The following SCP2 variants were observed in gnomAD, a reference collection of about 807,000 sequenced individuals.
SCP2 encodes SCP-2/3-oxoacyl-CoA thiolase.
Under a neutral mutation model 71.4 loss-of-function variants are expected in SCP2, and 48 were observed. The observed-to-expected ratio is 0.67, with a 90% CI of 0.53 to 0.86. The LOEUF (loss-of-function observed/expected upper bound fraction) is 0.86. SCP2 is among the 40% of genes least tolerant of loss of function. SCP2 has a pLI of 0.00. For missense variants in SCP2, 560 were observed against 655.6 expected, an observed-to-expected ratio of 0.85 and a Z score of 1.59; for synonymous variants, 220 against 218.1, an observed-to-expected ratio of 1.01 and a Z score of -0.08.
chr1:52,959,343 G>A, intron 5 of SCP2, among the ~76,000 whole-genome samples: 1 of 151,634 alleles, frequency 6.6e-6, no homozygotes, highest in East Asian at 1.9e-4. Context: ...TTACGGGCAT[G>A]CGCCACCACG....
intron 13 of SCP2, among the ~76,000 whole-genome samples, chr1:53,034,124 CT>C (rs545103639): frequency 2.0e-5 from 3 of 151,636 alleles, no homozygotes; most frequent in Admixed American, 6.6e-5. Flanking sequence ...ATTTTTAGTA[CT>C]TTTTTTTGGC....
chr1:52,995,071 G>T, intron 11 of SCP2: 1 of 499,438 alleles, frequency 2.0e-6, no homozygotes, highest in Non-Finnish European at 4.0e-6. Context: ...GGTTGATTCA[G>T]TTGTAGATGT....
chr1:52,927,509 C>G (rs1374812392), intron 1 of SCP2, 44 bp downstream of exon 1: 1 of 1,445,930 alleles, frequency 6.9e-7, no homozygotes, highest in Non-Finnish European at 9.5e-7. Flanking sequence ...GGCTCGGGGG[C>G]GGTCGGTGCC....
At chr1:53,005,999 C>G (rs569645756) in intron 11 of SCP2, among the ~76,000 whole-genome samples, 11 of 151,864 alleles carry the variant, frequency 7.2e-5, no homozygotes, top group African/African-American at 2.7e-4. Flanking sequence ...CTTCAGTAGC[C>G]GATTTGATCA....
intron 11 of SCP2, among the ~76,000 whole-genome samples, chr1:53,002,503 C>T (rs1660381421): frequency 6.6e-6 from 1 of 152,146 alleles, no homozygotes. Flanking sequence ...CTCCTGAGAG[C>T]ATGCATTTAC....
chr1:52,961,066 CTTTTTTTTTTTTTT>C lies in SCP2; in HGVS notation c.397-427_397-414del, dbSNP rs774047289. On this transcript the variant is annotated intron_variant, in intron 5 of 15. Transcript: ENST00000371514. The stretch of plus-strand genomic sequence containing the variant: ...CACGCCCAGCCTATTTCCTTTGGTT[CTTTTTTTTTTTTTT>C]TTTTTTTTTAATTATACTTTAAGTT... Among the ~76,000 whole-genome samples the C allele has an allele frequency of 1.6e-4, 15 of 92,198 alleles. No individual in the cohort carries two copies. In the East Asian group the frequency reaches 4.3e-3, roughly 26 times the overall value. The allele number at this position is 92,198 out of a possible 152,430, so 60.5% of individuals were successfully genotyped here.
intron 15 of SCP2, 98 bp from the exon 16 acceptor site, chr1:53,050,511 C>G (rs1354334106): frequency 3.8e-6 from 3 of 786,918 alleles, no homozygotes; most frequent in East Asian, 2.5e-5. Context: ...GTCATGTGAC[C>G]TGGATAAATA....
intron 11 of SCP2, among the ~76,000 whole-genome samples, chr1:53,001,740 C>T (rs1411902814): frequency 6.6e-6 from 1 of 152,174 alleles, no homozygotes; most frequent in Non-Finnish European, 1.5e-5. Flanking sequence ...CAAATGCTAT[C>T]CACCTTATGA....
At position 52,974,648 on chromosome 1, in the gene SCP2, A is replaced by C; in HGVS notation, c.524-121A>C. On this transcript the variant is annotated intron_variant, in intron 6 of 15. Coordinates refer to ENST00000371514, the MANE Select transcript of SCP2 (RefSeq NM_002979.5). ...AACAGTGCTGAAGTCTTTAATACTG[A>C]TGATATATATGAAAGGGAAAATATG... 1.1e-5 allele frequency: 8 copies of C among 737,126 alleles called. No individual in the cohort carries two copies. In the South Asian group the frequency reaches 1.1e-4, roughly 11 times the overall value. 45.7% of individuals were successfully genotyped at this position (737,126 alleles called of 1,614,324 possible).
chr1:52,972,986 T>A (rs2150160229), intron 6 of SCP2, among the ~76,000 whole-genome samples: 1 of 152,354 alleles, frequency 6.6e-6, no homozygotes, highest in South Asian at 2.1e-4. Flanking sequence ...GAGTGTTTAA[T>A]TTATATTCTG....
chr1:52,931,786 C>T (rs1425864450), intron 1 of SCP2, among the ~76,000 whole-genome samples: 5 of 152,088 alleles, frequency 3.3e-5, no homozygotes, highest in Non-Finnish European at 4.4e-5. Context: ...AACAAGACAA[C>T]GTCAACCCCC....
Position 52,978,239 on chromosome 1 carries a change from G to T in SCP2, c.697G>T (p.Ala233Ser). 1 of 1,613,958 alleles carries T rather than the reference G, an allele frequency of 6.2e-7. No homozygotes were observed. Among genetic ancestry groups the T allele is most frequent in the South Asian group, 1.1e-5 (1 of 91,074 alleles). ...TAGTCCCACTTCAGATGGTGCTGCA[G>T]CAGCAATTTTGGCCAGTGAAGCATT... ...QCCPTSDGAA[A>S]AILASEAFVQ... The change falls in exon 9 of 16, where the codon GCA becomes TCA. Residue 233 changes from alanine to serine, a missense_variant. By Grantham distance (99) the Ala-to-Ser change is moderately conservative. Around this residue, in one of 3 missense-constraint regions of SCP2, gnomAD observed 513 missense variants for 573.1 expected, o/e 0.90. Transcript: ENST00000371514.
chr1:53,006,699 T>C (rs1362494817), intron 11 of SCP2, among the ~76,000 whole-genome samples: 1 of 151,064 alleles, frequency 6.6e-6, no homozygotes, highest in Non-Finnish European at 1.5e-5. Flanking sequence ...AGATCATTGA[T>C]GCTAGGAAGA....
At chr1:53,036,148 A>G (rs1384739121) in intron 13 of SCP2, among the ~76,000 whole-genome samples, 1 of 137,952 alleles carries the variant, frequency 7.2e-6, no homozygotes, top group Non-Finnish European at 1.5e-5. Flanking sequence ...ATATGTGACC[A>G]TTTAAAATTA....
At chr1:52,938,539 C>T (rs7548389) in intron 1 of SCP2, among the ~76,000 whole-genome samples, 86,054 of 152,040 alleles carry the variant, frequency 0.57, 25,240 homozygotes, top group Non-Finnish European at 0.61. Context: ...CACTGCCTCC[C>T]GCCATGCTCC....
intron 6 of SCP2, among the ~76,000 whole-genome samples, chr1:52,964,719 T>C (rs1330591970): frequency 2.6e-5 from 4 of 152,120 alleles, no homozygotes; most frequent in African/African-American, 9.7e-5. Flanking sequence ...CTATGTAATT[T>C]TTAAAAAATG....
intron 14 of SCP2, among the ~76,000 whole-genome samples, chr1:53,044,054 T>C (rs1663617286): frequency 6.6e-6 from 1 of 152,136 alleles, no homozygotes; most frequent in South Asian, 2.1e-4. Flanking sequence ...TTTAACAGTT[T>C]ATTCCATCTC....
chr1:53,031,037 GT>G (rs1232136699), intron 13 of SCP2, among the ~76,000 whole-genome samples: 2 of 151,240 alleles, frequency 1.3e-5, no homozygotes, highest in South Asian at 2.1e-4. Context: ...CGGCTTAAAA[GT>G]TTTGGTTTTT....
Position 53,004,706 on chromosome 1 carries a change from G to A in SCP2, c.1082-10184G>A, listed in dbSNP as rs537822789. 4.6e-5 allele frequency among the ~76,000 whole-genome samples: 7 copies of A among 152,322 alleles called. 1 individual carries two copies. Among genetic ancestry groups the A allele is most frequent in the East Asian group, 1.9e-4 (1 of 5,182 alleles). ...GCAGCTCCAGTCTACAGCTCCCAGC[G>A]TGAGTGACGCAGAAGATGGGTGATT... On this transcript the variant is annotated intron_variant, in intron 11 of 15. Coordinates refer to ENST00000371514, the MANE Select transcript of SCP2 (RefSeq NM_002979.5).
Sources: allele counts gnomAD v4.1 joint callset (sites outside exome capture counted in the v4.1 genomes callset), GRCh38; gene constraint gnomAD v4.1.1; regional missense constraint gnomAD v4.1.1; transcripts MANE v1.5; gene names NCBI Gene and HGNC (gene_info 2026-07-23, HGNC 2026-07-21).